LRRC74A: variants seen among roughly 807,000 people sequenced by gnomAD.
LRRC74A encodes leucine rich repeat containing 74A.
Under a neutral mutation model 57.9 loss-of-function variants are expected in LRRC74A, and 44 were observed. The ratio of observed to expected loss-of-function variants is 0.76; its 90% CI spans 0.60 to 0.98. The LOEUF (loss-of-function observed/expected upper bound fraction) is 0.98. Ranked by LOEUF, LRRC74A falls within the 50% of genes least tolerant of loss-of-function variation. The probability of loss-of-function intolerance (pLI) is 0.00; values close to 1 mark genes in which losing one functional copy is unlikely to be tolerated. For synonymous variants in LRRC74A, 211 were observed against 219.4 expected (o/e 0.96, Z 0.34); for missense variants, 572 against 574.0 (o/e 1.00, Z 0.04).
At chr14:76,836,168 A>G (rs1301634977) in intron 3 of LRRC74A, 39 bp from the exon 4 acceptor site, 1 of 1,488,288 alleles carries the variant, frequency 6.7e-7, no homozygotes, top group South Asian at 1.2e-5. Context: ...GTCACCAACC[A>G]CTTCTGTGTC....
chr14:76,859,299 C>A (rs369112951), intron 10 of LRRC74A, among the ~76,000 whole-genome samples: 87 of 152,208 alleles, frequency 5.7e-4, no homozygotes, highest in African/African-American at 1.8e-3. Flanking sequence ...CTTTGGGAGG[C>A]CGAGGCGGGT....
At chr14:76,861,348 G>A (rs1403631895) in intron 11 of LRRC74A, among the ~76,000 whole-genome samples, 1 of 152,246 alleles carries the variant, frequency 6.6e-6, no homozygotes, top group Non-Finnish European at 1.5e-5. Context: ...CCTGCGGTCA[G>A]GATGGCTATT....
intron 9 of LRRC74A, 39 bp from the exon 10 acceptor site, chr14:76,857,341 C>T (rs1897978975): frequency 2.2e-6 from 3 of 1,357,950 alleles, no homozygotes; most frequent in Admixed American, 2.0e-5. Flanking sequence ...GCCTCTCCTC[C>T]CATCTCAGCC....
At chr14:76,826,878 T>G (rs528326698) in intron 1 of LRRC74A, 144 bp downstream of exon 1, 2 of 495,154 alleles carry the variant, frequency 4.0e-6, no homozygotes, top group African/African-American at 3.9e-5. Flanking sequence ...CTGACTTGGG[T>G]TCAGGCCTTG....
chr14:76,839,165 T>C (rs11628619), intron 5 of LRRC74A, among the ~76,000 whole-genome samples: 45,742 of 152,088 alleles, frequency 0.3, 7,736 homozygotes, highest in East Asian at 0.52. Flanking sequence ...TGTACATGTA[T>C]CTTTTAGGCA....
At chr14:76,864,156 G>A (rs941602543) in intron 11 of LRRC74A, among the ~76,000 whole-genome samples, 2 of 152,172 alleles carry the variant, frequency 1.3e-5, no homozygotes, top group Admixed American at 1.3e-4. Flanking sequence ...CAGAGCACGA[G>A]GTGCACTTTG....
rs139864900 is a variant in LRRC74A at position 76,828,726 on chromosome 14, T to C, written c.166+307T>C. The C allele has an allele frequency of 5.6e-4, 272 of 483,948 alleles. No individual in the cohort carries two copies. In the East Asian group the frequency reaches 0.011, roughly 20 times the overall value. 30.0% of individuals were successfully genotyped at this position (483,948 alleles called of 1,614,324 possible). On this transcript the variant is annotated intron_variant, in intron 2 of 13. Coordinates refer to ENST00000689127, the MANE Select transcript of LRRC74A (RefSeq NM_001385106.1). ...CTTCTAAATGTTTCCACGTGGGGCA[T>C]CCTATGCAATCTTTGCAATAGTCCT... is the stretch of plus-strand genomic sequence containing the variant.
chr14:76,850,215 CA>C (rs1354134118), intron 7 of LRRC74A, among the ~76,000 whole-genome samples: 1 of 151,462 alleles, frequency 6.6e-6, no homozygotes, highest in African/African-American at 2.4e-5. Flanking sequence ...CTCAAAAAAA[CA>C]AAACAAAACA....
intron 5 of LRRC74A, among the ~76,000 whole-genome samples, chr14:76,839,656 C>T (rs1896614476): frequency 2.0e-5 from 3 of 152,162 alleles, no homozygotes. Context: ...ACTTCCACTT[C>T]TATTTTCTTT....
In LRRC74A at chr14:76,867,456, G is replaced by T; in HGVS notation, c.1391+18G>T. The T allele has an allele frequency of 1.4e-6, 2 of 1,441,132 alleles. No individual in the cohort carries two copies. Among genetic ancestry groups the T allele is most frequent in the South Asian group, 2.3e-5 (2 of 87,098 alleles). 89.3% of individuals were successfully genotyped at this position (1,441,132 alleles called of 1,614,324 possible). A position where few individuals can be genotyped will look rare whatever the true frequency, so the allele number is the denominator to read the frequency against. On this transcript the variant is annotated intron_variant, in intron 13 of 13. Transcript: ENST00000689127. ...AACTTCAGGTCAGCCCAGGCCCCGC[G>T]ACGATCCCCGTTCTCTGCAAGGGGC...
intron 9 of LRRC74A, among the ~76,000 whole-genome samples, 193 bp downstream of exon 9, chr14:76,853,603 T>A (rs1566736003): frequency 6.6e-6 from 1 of 152,302 alleles, no homozygotes. Context: ...AAAGCCAGTG[T>A]CACCCTCAGT....
intron 2 of LRRC74A, chr14:76,828,779 A>G (rs1377790851): frequency 3.9e-5 from 17 of 438,560 alleles, no homozygotes; most frequent in Non-Finnish European, 7.7e-5. Flanking sequence ...GCCAGTTTTC[A>G]ACAGAAGAGG....
intron 2 of LRRC74A, 124 bp from the exon 3 acceptor site, chr14:76,831,079 A>T: frequency 2.1e-6 from 2 of 973,168 alleles, no homozygotes; most frequent in South Asian, 1.6e-5. Context: ...TTCTTAGCAC[A>T]TACCCACAGG....
At position 76,837,904 on chromosome 14, in the gene LRRC74A, G is replaced by A; in HGVS notation, c.477G>A (p.Glu159=). 2 of 1,592,044 alleles carry A rather than the reference G, an allele frequency of 1.3e-6. No homozygotes were observed. Among genetic ancestry groups the A allele is most frequent in the South Asian group, 1.1e-5 (1 of 87,474 alleles). The change falls in exon 5 of 14, where the codon GAG becomes GAA. Residue 159 remains glutamate (E), a synonymous_variant. Transcript: ENST00000689127. ...MNISNNHLGL[E]GARIISDFFE... ...TTTCCAACAATCACCTTGGTTTGGA[G>A]GGGGCCAGAATCATCTCAGATTTCT...
In LRRC74A at chr14:76,828,247, C is replaced by A. The variant is rs770840640; in HGVS notation, c.38-44C>A. On this transcript the variant is annotated intron_variant, in intron 1 of 13. Coordinates refer to ENST00000689127, the MANE Select transcript of LRRC74A (RefSeq NM_001385106.1). ...GCGGCAGGCTTTATTGGGAGGCCAGCAAGTTTTATTCCTGGCATCAAGGAG... is the reference window on the plus strand; with the variant it reads ...GCGGCAGGCTTTATTGGGAGGCCAGAAAGTTTTATTCCTGGCATCAAGGAG... 8 of 1,549,574 alleles carry A rather than the reference C, an allele frequency of 5.2e-6. No individual in the cohort carries two copies. In the Admixed American group the frequency reaches 1.1e-4, roughly 22 times the overall value.
chr14:76,836,628 C>T (rs748117720), intron 4 of LRRC74A, among the ~76,000 whole-genome samples: 1 of 151,906 alleles, frequency 6.6e-6, no homozygotes, highest in Non-Finnish European at 1.5e-5. Context: ...GGTGAAACCC[C>T]GTCTCTACTA....
chr14:76,831,365 T>C lies in LRRC74A; in HGVS notation c.329T>C (p.Ile110Thr), dbSNP rs1895959964. 2 of 1,613,268 alleles carry C rather than the reference T, an allele frequency of 1.2e-6. No individual in the cohort carries two copies. Among genetic ancestry groups the C allele is most frequent in the Non-Finnish European group, 1.7e-6 (2 of 1,179,838 alleles). The change falls in exon 3 of 14, where the codon ATA (isoleucine) becomes ACA (threonine). Residue 110 changes from isoleucine to threonine, a missense_variant. By Grantham distance (89) the Ile-to-Thr change is moderately conservative. Transcript: ENST00000689127. ...CCCAGGGGTACCAAGGCTATTGCTATAGCCCTGGTGGTGAGCATGCTAGTG... is the reference window on the plus strand; with the variant it reads ...CCCAGGGGTACCAAGGCTATTGCTACAGCCCTGGTGGTGAGCATGCTAGTG... ...LGPRGTKAIA[I>T]ALVSNMAVTK...
intron 13 of LRRC74A, among the ~76,000 whole-genome samples, chr14:76,869,223 G>A (rs191407855): frequency 4.6e-5 from 7 of 152,288 alleles, no homozygotes; most frequent in Non-Finnish European, 8.8e-5. Context: ...CAGGTTCCAC[G>A]TCCAGCAAAG....
chr14:76,865,992 A>T lies in LRRC74A; in HGVS notation c.1225A>T (p.Thr409Ser). ...IQSYADQHKI[T>S]IVDFFKSLNP... ...GAGCTATGCAGACCAACACAAAATC[A>T]CGATCGTGGACTTCTTCAAGAGCTT... is the stretch of plus-strand genomic sequence containing the variant. Residue 409 changes from threonine to serine, a missense_variant, in exon 12 of 14, where the codon ACG becomes TCG. Physicochemically the swap from Thr to Ser is moderately conservative, Grantham distance 58. Coordinates refer to ENST00000689127, the MANE Select transcript of LRRC74A (RefSeq NM_001385106.1). The T allele has an allele frequency of 6.3e-7, 1 of 1,598,900 alleles. No individual in the cohort carries two copies. The highest frequency in any genetic ancestry group is 8.6e-7 in the Non-Finnish European group (1 of 1,167,976).
Sources: gnomAD v4.1 joint callset for allele counts (sites outside exome capture counted in the v4.1 genomes callset) on GRCh38, gnomAD v4.1.1 for gene constraint, MANE v1.5 for transcripts, NCBI Gene and HGNC (gene_info 2026-07-23, HGNC 2026-07-21) for gene names.